MLXIPL: variants seen among roughly 807,000 people sequenced by gnomAD.
MLXIPL encodes carbohydrate-responsive element-binding protein.
In MLXIPL, 49 loss-of-function variants were observed where a neutral mutation model predicts 81.5. The ratio of observed to expected loss-of-function variants is 0.60; its 90% CI spans 0.48 to 0.76. MLXIPL has a LOEUF of 0.76. Among genes scored for constraint, MLXIPL ranks in the 30% least tolerant of loss-of-function variants. MLXIPL has a pLI of 0.00. For missense variants in MLXIPL, 1,053 were observed against 1,167.0 expected (o/e 0.90, Z 1.42); for synonymous variants, 466 against 485.5 (o/e 0.96, Z 0.53).
chr7:73,616,725 G>T (rs1229105968), intron 1 of MLXIPL, among the ~76,000 whole-genome samples: 2 of 151,736 alleles, frequency 1.3e-5, no homozygotes, highest in Non-Finnish European at 2.9e-5. Flanking sequence ...GCGCACACCT[G>T]TAATCCCAGC....
chr7:73,638,866 A>G, the MLXIPL span, among the ~76,000 whole-genome samples: 3 of 151,946 alleles, frequency 2.0e-5, no homozygotes, highest in Non-Finnish European at 4.4e-5. Context: ...CAGGTGATCC[A>G]CCCACCTCGG....
rs1374179100 is a variant in MLXIPL, at chr7:73,593,701, C to A, written c.*164G>T. 3 of 672,966 alleles carry A rather than the reference C, an allele frequency of 4.5e-6. No homozygotes were observed. Among genetic ancestry groups the A allele is most frequent in the Non-Finnish European group, 8.0e-6 (3 of 373,300 alleles). 41.7% of individuals were successfully genotyped at this position (672,966 alleles called of 1,614,324 possible). ...ACGGGGACTCTGCTCTTCTTGACCT[C>A]CAGGAGGTGGCAAGTGTGAAACCTG... On this transcript the variant is annotated 3_prime_UTR_variant, in exon 17 of 17. Transcript: ENST00000313375.
chr7:73,637,612 AAGGACC>A, the MLXIPL span, among the ~76,000 whole-genome samples: 2 of 152,176 alleles, frequency 1.3e-5, no homozygotes, highest in African/African-American at 4.8e-5. Flanking sequence ...CAGACAGAGC[AAGGACC>A]ATGGTCCCCA....
intron 8 of MLXIPL, among the ~76,000 whole-genome samples, chr7:73,597,915 G>A (rs2116213704): frequency 6.6e-6 from 1 of 152,216 alleles, no homozygotes; most frequent in South Asian, 2.1e-4. Context: ...AATGAGAGGA[G>A]GGAGTCGAGT....
At chr7:73,602,181 T>TTC (rs1794922090) in intron 7 of MLXIPL, among the ~76,000 whole-genome samples, 2 of 148,030 alleles carry the variant, frequency 1.4e-5, no homozygotes, top group African/African-American at 5.1e-5. Flanking sequence ...TCCCTCTCTC[T>TTC]CTTTCTTTCA....
At chr7:73,606,546 C>T (rs575819939) in intron 5 of MLXIPL, 307 of 314,422 alleles carry the variant, frequency 9.8e-4, no homozygotes, top group Non-Finnish European at 1.6e-3. Flanking sequence ...CTGTCTCAGC[C>T]TCCTGAGTAG....
At chr7:73,634,122 C>T in the MLXIPL span, among the ~76,000 whole-genome samples, 2 of 152,124 alleles carry the variant, frequency 1.3e-5, no homozygotes, top group Admixed American at 6.6e-5. Flanking sequence ...GTTTCTGTAT[C>T]TGTAAAATGG....
intron 1 of MLXIPL, among the ~76,000 whole-genome samples, chr7:73,622,255 C>T (rs1471306031): frequency 1.3e-5 from 2 of 151,928 alleles, no homozygotes; most frequent in Non-Finnish European, 2.9e-5. Flanking sequence ...CTTGGGGAGG[C>T]CAAGGCAGGT....
At chr7:73,643,448 A>T in the MLXIPL span, among the ~76,000 whole-genome samples, 5 of 150,672 alleles carry the variant, frequency 3.3e-5, no homozygotes, top group Non-Finnish European at 7.4e-5. Flanking sequence ...CGGGAGGCGG[A>T]GCTTGCAGTG....
intron 4 of MLXIPL, 27 bp from the exon 5 acceptor site, chr7:73,607,045 C>G: frequency 6.2e-7 from 1 of 1,611,256 alleles, no homozygotes; most frequent in Non-Finnish European, 8.5e-7. Flanking sequence ...AGTTGGACAC[C>G]GGATCCCTTG....
At chr7:73,618,991 A>G (rs72649049) in intron 1 of MLXIPL, among the ~76,000 whole-genome samples, 3 of 152,190 alleles carry the variant, frequency 2.0e-5, no homozygotes. Flanking sequence ...GTGAGAGAAG[A>G]GACTCAGCCT....
At chr7:73,620,417 A>C (rs138475365) in intron 1 of MLXIPL, among the ~76,000 whole-genome samples, 3,326 of 151,426 alleles carry the variant, frequency 0.022, 122 homozygotes, top group African/African-American at 0.075. Flanking sequence ...AACAAACAAA[A>C]AACAACAACA....
In MLXIPL at chr7:73,596,031, G is replaced by C; in HGVS notation, c.2059-62C>G. 2 of 1,606,440 alleles carry C rather than the reference G, an allele frequency of 1.2e-6. No individual in the cohort carries two copies. The highest frequency in any genetic ancestry group is 1.7e-6 in the Non-Finnish European group (2 of 1,178,650). ...GAGGCTGTACCCTGGGACCCACTGA[G>C]GCACTGGGATGGGAGGAGGCAAGAG... On this transcript the variant is annotated intron_variant, in intron 13 of 16. Coordinates refer to ENST00000313375, the MANE Select transcript of MLXIPL (RefSeq NM_032951.3). The surrounding 1 kb of genome is among the most constrained non-coding windows in gnomAD (Gnocchi z 4.7).
At chr7:73,631,103 G>A in the MLXIPL span, among the ~76,000 whole-genome samples, 3 of 151,892 alleles carry the variant, frequency 2.0e-5, no homozygotes, top group African/African-American at 7.3e-5. Context: ...CCATCTCCTG[G>A]GTTCATGCCA....
chr7:73,595,874 C>T lies in MLXIPL; in HGVS notation c.2154G>A (p.Arg718=). ...AGLQEEAQQL[R]DEIEELNAAI... is the part of the protein sequence containing the mutation. ...CGGCATTGAGCTCCTCAATCTCATC[C>T]CGCAGCTGCTGGGCCTCCTCCTGCA... Residue 718 remains arginine, a synonymous_variant, in exon 14 of 17, where the codon CGG becomes CGA. Coordinates refer to ENST00000313375, the MANE Select transcript of MLXIPL (RefSeq NM_032951.3). 3 of 1,611,112 alleles carry T rather than the reference C, an allele frequency of 1.9e-6. No homozygotes were observed. Among genetic ancestry groups the T allele is most frequent in the South Asian group, 1.1e-5 (1 of 90,658 alleles).
the MLXIPL span, among the ~76,000 whole-genome samples, chr7:73,635,630 C>G: frequency 1.3e-5 from 2 of 151,626 alleles, no homozygotes; most frequent in Non-Finnish European, 2.9e-5. Flanking sequence ...CTCCATCCAC[C>G]CATCTCTTTT....
chr7:73,623,819 A>G lies in MLXIPL; in HGVS notation c.293+381T>C, dbSNP rs1554602877. 6.6e-6 allele frequency among the ~76,000 whole-genome samples: 1 copy of G among 151,112 alleles called. No homozygotes were observed. The highest frequency in any genetic ancestry group is 1.5e-5 in the Non-Finnish European group (1 of 67,774). ...GTCGGGTGGAGTGGCTCCAGAGTGG[A>G]GAGTGGGGATGGGCGCGGGTGGCCT... is the stretch of plus-strand genomic sequence containing the variant. On this transcript the variant is annotated intron_variant, in intron 1 of 16. Transcript: ENST00000313375. The surrounding 1 kb of genome is among the most constrained non-coding windows in gnomAD (Gnocchi z 5.7).
chr7:73,625,833 A>C (rs1554603701), upstream of MLXIPL, among the ~76,000 whole-genome samples: 1 of 152,112 alleles, frequency 6.6e-6, no homozygotes, highest in African/African-American at 2.4e-5. Flanking sequence ...CTGCACAGAG[A>C]GGCCCAAGGG....
At chr7:73,617,660 C>T (rs1554601086) in intron 1 of MLXIPL, among the ~76,000 whole-genome samples, 2 of 152,058 alleles carry the variant, frequency 1.3e-5, no homozygotes, top group East Asian at 3.9e-4. Flanking sequence ...GCCTGGGCAA[C>T]ATAGCAAGAC....
Sources: gnomAD v4.1 joint callset for allele counts (sites outside exome capture counted in the v4.1 genomes callset) on GRCh38, gnomAD v4.1.1 for gene constraint, Gnocchi (gnomAD v3.1) non-coding constraint, MANE v1.5 for transcripts, NCBI Gene and HGNC (gene_info 2026-07-23, HGNC 2026-07-21) for gene names.